The following CAAP1 variants were observed in gnomAD, a reference collection of about 807,000 sequenced individuals.
The protein encoded by CAAP1 is caspase activity and apoptosis inhibitor 1, also known as conserved anti-apoptotic protein.
CAAP1 carries 20 observed loss-of-function variants against 34.0 expected under a neutral mutation model. The ratio of observed to expected loss-of-function variants is 0.59; its 90% CI spans 0.41 to 0.86. The LOEUF (loss-of-function observed/expected upper bound fraction) is 0.86, where lower values mean the gene tolerates loss of function less well. Ranked by LOEUF, CAAP1 falls within the 40% of genes least tolerant of loss-of-function variation. CAAP1 has a pLI of 0.00. For missense variants in CAAP1, 538 were observed against 450.5 expected (o/e 1.19, Z -1.76); for synonymous variants, 213 against 166.7 (o/e 1.28, Z -2.14).
chr9:26,858,701 T>A (rs556610439), intron 5 of CAAP1, among the ~76,000 whole-genome samples: 4 of 151,782 alleles, frequency 2.6e-5, no homozygotes, highest in Non-Finnish European at 4.4e-5. Context: ...GGAGCGCCTG[T>A]AGTCCCAGCT....
intron 5 of CAAP1, among the ~76,000 whole-genome samples, chr9:26,853,923 G>C (rs1277746403): frequency 6.6e-6 from 1 of 152,114 alleles, no homozygotes; most frequent in African/African-American, 2.4e-5. Flanking sequence ...CTAGTGCCTA[G>C]AACAAAACAG....
At chr9:26,873,722 CGTT>C (rs780919721) in intron 4 of CAAP1, among the ~76,000 whole-genome samples, 3 of 152,098 alleles carry the variant, frequency 2.0e-5, no homozygotes, top group South Asian at 2.1e-4. Context: ...AAAATTGTTG[CGTT>C]GTTAAGCGGT....
rs147681252 is a variant in CAAP1 at position 26,871,577 on chromosome 9, T to TA, written c.666-10439dup. 3.2e-3 allele frequency among the ~76,000 whole-genome samples: 375 copies of TA among 117,406 alleles called. 3 individuals are homozygous for TA. The highest frequency in any genetic ancestry group is 0.01 in the Middle Eastern group (2 of 198). The allele number at this position is 117,406 out of a possible 152,430, so 77.0% of individuals were successfully genotyped here. A position where few individuals can be genotyped will look rare whatever the true frequency, so the allele number is the denominator to read the frequency against. On this transcript the variant is annotated intron_variant, in intron 4 of 5. Transcript: ENST00000333916. The stretch of plus-strand genomic sequence containing the variant: ...TGGTGACACGGCAAAACTCTGTCTT[T>TA]AAAAAAAAAAAAAAAAAGATGGTGA...
intron 5 of CAAP1, among the ~76,000 whole-genome samples, chr9:26,853,874 A>T (rs1197260777): frequency 6.6e-6 from 1 of 152,162 alleles, no homozygotes; most frequent in Non-Finnish European, 1.5e-5. Context: ...TTTATTAGAC[A>T]AGTTCTTTCC....
intron 4 of CAAP1, among the ~76,000 whole-genome samples, chr9:26,864,095 T>C (rs534405363): frequency 7.2e-5 from 11 of 152,152 alleles, no homozygotes; most frequent in East Asian, 1.9e-4. Context: ...ACTTCTCCTA[T>C]CTCCAACACT....
chr9:26,875,921 T>C (rs1208410639), intron 4 of CAAP1, among the ~76,000 whole-genome samples: 2 of 152,214 alleles, frequency 1.3e-5, no homozygotes. Context: ...AACCAATCTA[T>C]AACTTTGGCT....
chr9:26,876,870 T>C (rs551872606), intron 4 of CAAP1, among the ~76,000 whole-genome samples: 5 of 152,162 alleles, frequency 3.3e-5, no homozygotes, highest in Admixed American at 6.5e-5. Context: ...TTTTATACAA[T>C]TGGCTGGGTG....
At chr9:26,842,812 T>C (rs1822512240) in intron 5 of CAAP1, among the ~76,000 whole-genome samples, 165 bp from the exon 6 acceptor site, 1 of 152,190 alleles carries the variant, frequency 6.6e-6, no homozygotes, top group South Asian at 2.1e-4. Context: ...CTCCTCAACC[T>C]TCAAAGCAGA....
At chr9:26,886,315 G>A in intron 2 of CAAP1, 127 bp from the exon 3 acceptor site, 1 of 416,286 alleles carries the variant, frequency 2.4e-6, no homozygotes, top group East Asian at 3.7e-5. Flanking sequence ...GCCTCAAGTA[G>A]ATTCACATAC....
chr9:26,875,772 G>A (rs1587117576), intron 4 of CAAP1, among the ~76,000 whole-genome samples: 2 of 151,916 alleles, frequency 1.3e-5, no homozygotes, highest in South Asian at 4.2e-4. Context: ...GCATGCCCAG[G>A]AAAGTTGCTT....
intron 5 of CAAP1, among the ~76,000 whole-genome samples, 158 bp from the exon 6 acceptor site, chr9:26,842,805 C>T (rs1430291493): frequency 6.6e-6 from 1 of 152,192 alleles, no homozygotes; most frequent in Non-Finnish European, 1.5e-5. Flanking sequence ...CCCCTGACTC[C>T]TCAACCTTCA....
chr9:26,846,455 GA>G (rs1822609760), intron 5 of CAAP1, among the ~76,000 whole-genome samples: 3 of 131,822 alleles, frequency 2.3e-5, no homozygotes. Flanking sequence ...AGAAAAAAAA[GA>G]AAAAAGAAAG....
chr9:26,889,024 A>G (rs1409914225), intron 1 of CAAP1, among the ~76,000 whole-genome samples: 1 of 152,254 alleles, frequency 6.6e-6, no homozygotes. Context: ...TGAATCTTAA[A>G]AACATTATGT....
chr9:26,853,832 T>C (rs951909254), intron 5 of CAAP1, among the ~76,000 whole-genome samples: 1 of 152,168 alleles, frequency 6.6e-6, no homozygotes, highest in Non-Finnish European at 1.5e-5. Flanking sequence ...TACAGATAGA[T>C]ATGAAAAAAT....
At chr9:26,870,290 G>A (rs373796810) in intron 4 of CAAP1, among the ~76,000 whole-genome samples, 9 of 152,108 alleles carry the variant, frequency 5.9e-5, no homozygotes, top group African/African-American at 2.2e-4. Context: ...AAAGTAATCA[G>A]ATTAGAAAAA....
At chr9:26,843,568 T>C (rs893091573) in intron 5 of CAAP1, among the ~76,000 whole-genome samples, 2 of 152,108 alleles carry the variant, frequency 1.3e-5, no homozygotes, top group Non-Finnish European at 2.9e-5. Context: ...ACATGTGCCA[T>C]GCTGGTGTGC....
intron 5 of CAAP1, among the ~76,000 whole-genome samples, chr9:26,852,643 A>T (rs922203477): frequency 6.6e-6 from 1 of 152,162 alleles, no homozygotes; most frequent in African/African-American, 2.4e-5. Flanking sequence ...CATGTATTAA[A>T]ACCTGCAGTC....
At chr9:26,846,415 CA>C (rs761402354) in intron 5 of CAAP1, among the ~76,000 whole-genome samples, 5,978 of 61,466 alleles carry the variant, frequency 0.097, 28 homozygotes, top group Middle Eastern at 0.12. Context: ...GACTCTGTCT[CA>C]AAAAAAAAAA....
chr9:26,871,208 G>C (rs1361275693), intron 4 of CAAP1, among the ~76,000 whole-genome samples: 2 of 152,138 alleles, frequency 1.3e-5, no homozygotes, highest in South Asian at 2.1e-4. Context: ...CAAATTCTTA[G>C]TATTCTAATG....
Sources: gnomAD v4.1 joint callset for allele counts (sites outside exome capture counted in the v4.1 genomes callset) on GRCh38, gnomAD v4.1.1 for gene constraint, MANE v1.5 for transcripts, NCBI Gene and HGNC (gene_info 2026-07-23, HGNC 2026-07-21) for gene names.